Variants in ITGB1 observed in about 807,000 individuals in gnomAD.
The protein encoded by ITGB1 is integrin subunit beta 1.
A neutral mutation model predicts 86.5 loss-of-function variants in ITGB1; 24 were observed. The ratio of observed to expected loss-of-function variants is 0.28; its 90% CI spans 0.20 to 0.39. The LOEUF (loss-of-function observed/expected upper bound fraction) is 0.39, where lower values mean the gene tolerates loss of function less well. Ranked by LOEUF, ITGB1 falls within the 10% of genes least tolerant of loss-of-function variation. The pLI, the probability that ITGB1 is intolerant of heterozygous loss-of-function variation, is 1.00. For missense variants in ITGB1, 556 were observed against 946.9 expected (o/e 0.59, Z 5.42); for synonymous variants, 323 against 316.8 (o/e 1.02, Z -0.21).
At chr10:32,927,828 A>T (rs1302423798) in intron 5 of ITGB1, among the ~76,000 whole-genome samples, 1 of 152,190 alleles carries the variant, frequency 6.6e-6, no homozygotes, top group Admixed American at 6.5e-5. Context: ...TAAATGATCA[A>T]GTTAGTATGA....
intron 6 of ITGB1, 83 bp from the exon 7 acceptor site, chr10:32,923,823 T>C (rs1052594524): frequency 7.0e-6 from 8 of 1,137,348 alleles, no homozygotes; most frequent in African/African-American, 1.6e-5. Context: ...TAGGCCACCA[T>C]TGTATTTTTA....
At chr10:32,921,642 T>C (rs1418787774) in intron 9 of ITGB1, among the ~76,000 whole-genome samples, 3 of 152,230 alleles carry the variant, frequency 2.0e-5, no homozygotes, top group East Asian at 1.9e-4. Flanking sequence ...TAAAGTACAC[T>C]GAATTATGCT....
intron 15 of ITGB1, among the ~76,000 whole-genome samples, chr10:32,905,865 T>C (rs539880037): frequency 2.3e-4 from 35 of 152,288 alleles, no homozygotes; most frequent in South Asian, 2.1e-3. Context: ...AGTCAGTCAG[T>C]TGGGAAAGAG....
intron 15 of ITGB1, chr10:32,907,047 G>A: frequency 7.6e-7 from 1 of 1,314,166 alleles, no homozygotes; most frequent in Admixed American, 2.0e-5. Flanking sequence ...GGCAGAAAGT[G>A]AAACAAAATA....
At chr10:32,948,204 T>C (rs1412005261) in intron 1 of ITGB1, among the ~76,000 whole-genome samples, 7 of 152,176 alleles carry the variant, frequency 4.6e-5, no homozygotes, top group African/African-American at 1.7e-4. Flanking sequence ...TCTTTATAGA[T>C]TCCACATCCA....
chr10:32,910,368 T>C lies in ITGB1; in HGVS notation c.2019A>G (p.Val673=). Residue 673 remains valine (V), a synonymous_variant, in exon 14 of 16, where the codon GTA becomes GTG. Coordinates refer to ENST00000302278, the MANE Select transcript of ITGB1 (RefSeq NM_002211.4). The stretch of plus-strand genomic sequence containing the variant: ...GCTGGGGTAATTTGTCCCGACTTTC[T>C]ACCTTGGTAATGTTAAAATAGGAAC... The part of the protein sequence containing the change: ...QECSYFNITK[V]ESRDKLPQPV... The C allele has an allele frequency of 6.2e-7, 1 of 1,600,714 alleles. No homozygotes were observed. The highest frequency in any genetic ancestry group is 8.6e-7 in the Non-Finnish European group (1 of 1,167,880).
intron 6 of ITGB1, 75 bp from the exon 7 acceptor site, chr10:32,923,815 G>T: frequency 1.7e-6 from 2 of 1,174,860 alleles, no homozygotes; most frequent in Non-Finnish European, 2.4e-6. Context: ...TTTTCATATA[G>T]GCCACCATTG....
At chr10:32,905,426 T>C (rs1164705453) in intron 15 of ITGB1, among the ~76,000 whole-genome samples, 1 of 152,254 alleles carries the variant, frequency 6.6e-6, no homozygotes, top group Non-Finnish European at 1.5e-5. Context: ...CCTAACATGA[T>C]GTTTGCCAAC....
intron 3 of ITGB1, among the ~76,000 whole-genome samples, chr10:32,930,678 T>C (rs2094980578): frequency 6.6e-6 from 1 of 151,686 alleles, no homozygotes; most frequent in Non-Finnish European, 1.5e-5. Context: ...ATGACAAGGG[T>C]AAAAGGAGTA....
intron 2 of ITGB1, chr10:32,933,404 C>T (rs560087469): frequency 6.6e-6 from 1 of 152,272 alleles, no homozygotes; most frequent in South Asian, 2.1e-4. Flanking sequence ...ACTGAAAAGT[C>T]CATATTCATC....
In ITGB1 at chr10:32,928,076, T is replaced by C. The variant is rs2137220390; in HGVS notation, c.547+18A>G. On this transcript the variant is annotated intron_variant, in intron 5 of 15. Transcript: ENST00000302278. ...AAGACTTTATAATGAAAATGGTCAA[T>C]GTTCCCAACATTCCTACCAATTCTG... The C allele has an allele frequency of 6.2e-6, 9 of 1,447,418 alleles. No homozygotes were observed. Among genetic ancestry groups the C allele is most frequent in the East Asian group, 2.3e-5 (1 of 43,192 alleles). The allele number at this position is 1,447,418 out of a possible 1,614,324, so 89.7% of individuals were successfully genotyped here. A position where few individuals can be genotyped will look rare whatever the true frequency, so the allele number is the denominator to read the frequency against.
rs191701042 is a variant in ITGB1, at chr10:32,922,233, T to C, written c.1128+24A>G. On this transcript the variant is annotated intron_variant, in intron 9 of 15. Coordinates refer to ENST00000302278, the MANE Select transcript of ITGB1 (RefSeq NM_002211.4). ...TTCTCAACAGGGTATTGTCCAAAAC[T>C]GATCTTATTTAAGATGTACTCACAT... 3.1e-4 allele frequency: 433 copies of C among 1,413,348 alleles called. 2 individuals carry two copies. In the African/African-American group the frequency reaches 5.8e-3, roughly 19 times the overall value. The allele number at this position is 1,413,348 out of a possible 1,614,324, so 87.6% of individuals were successfully genotyped here.
chr10:32,914,503 G>A (rs953583824), intron 11 of ITGB1, among the ~76,000 whole-genome samples: 1 of 152,120 alleles, frequency 6.6e-6, no homozygotes, highest in African/African-American at 2.4e-5. Context: ...AAAAAAGGCA[G>A]TGGTTGCAAA....
At chr10:32,950,117 A>G (rs1023576445) in intron 1 of ITGB1, among the ~76,000 whole-genome samples, 4 of 152,202 alleles carry the variant, frequency 2.6e-5, no homozygotes, top group Non-Finnish European at 1.5e-5. Flanking sequence ...CCTAAAAATT[A>G]TAATAAACTT....
At chr10:32,912,982 C>T (rs1440937931) in intron 11 of ITGB1, among the ~76,000 whole-genome samples, 1 of 152,186 alleles carries the variant, frequency 6.6e-6, no homozygotes, top group Non-Finnish European at 1.5e-5. Context: ...AAGGATCAGG[C>T]AGCAACATTT....
intron 1 of ITGB1, among the ~76,000 whole-genome samples, chr10:32,947,900 T>C (rs1471148270): frequency 6.6e-6 from 1 of 152,230 alleles, no homozygotes; most frequent in Admixed American, 6.5e-5. Flanking sequence ...TAAAACAATG[T>C]CTGGCCAATT....
At chr10:32,912,767 C>T (rs1486880200) in intron 11 of ITGB1, among the ~76,000 whole-genome samples, 3 of 152,216 alleles carry the variant, frequency 2.0e-5, no homozygotes, top group African/African-American at 7.2e-5. Flanking sequence ...CCAGCAGAAA[C>T]TTCTGCAGAC....
intron 4 of ITGB1, among the ~76,000 whole-genome samples, chr10:32,929,179 A>G (rs1170724945): frequency 2.7e-5 from 4 of 150,532 alleles, no homozygotes. Context: ...CAAAAAGTAC[A>G]AAGTGTTACT....
chr10:32,905,469 A>G (rs2094893459), intron 15 of ITGB1, among the ~76,000 whole-genome samples: 1 of 152,224 alleles, frequency 6.6e-6, no homozygotes, highest in African/African-American at 2.4e-5. Context: ...GAGTAACAAC[A>G]AATTGTAAAA....
Sources: allele counts gnomAD v4.1 joint callset (sites outside exome capture counted in the v4.1 genomes callset), GRCh38; gene constraint gnomAD v4.1.1; transcripts MANE v1.5; gene names NCBI Gene and HGNC (gene_info 2026-07-23, HGNC 2026-07-21).